Variants in CSTPP1 observed in about 807,000 individuals in gnomAD.
CSTPP1 encodes UPF0705 protein C11orf49.
chr11:47,112,707 TCTCTA>T, the CSTPP1 span, among the ~76,000 whole-genome samples: 1 of 152,112 alleles, frequency 6.6e-6, no homozygotes, highest in Non-Finnish European at 1.5e-5. Context: ...GTCTATTTCT[TCTCTA>T]ATGTATCCTA....
chr11:47,036,256 T>A, the CSTPP1 span, among the ~76,000 whole-genome samples: 165 of 48,806 alleles, frequency 3.4e-3, 10 homozygotes, highest in African/African-American at 9.8e-3. Flanking sequence ...ATATTATATA[T>A]TATATAATAT....
At chr11:47,007,148 T>C in the CSTPP1 span, among the ~76,000 whole-genome samples, 2 of 151,818 alleles carry the variant, frequency 1.3e-5, no homozygotes, top group South Asian at 4.2e-4. Context: ...TTCTTCTGCC[T>C]CAGCCTCCTG....
the CSTPP1 span, among the ~76,000 whole-genome samples, chr11:47,054,658 G>T: frequency 1.3e-5 from 2 of 152,140 alleles, no homozygotes; most frequent in Admixed American, 1.3e-4. Context: ...GCTCTAGAAA[G>T]ATCATTCAAA....
the CSTPP1 span, among the ~76,000 whole-genome samples, chr11:47,005,860 G>T: frequency 6.6e-6 from 1 of 152,132 alleles, no homozygotes; most frequent in African/African-American, 2.4e-5. Flanking sequence ...TACAATAAGT[G>T]TTGAATTAAT....
At chr11:47,159,681 G>A in the CSTPP1 span, 1 of 456,078 alleles carries the variant, frequency 2.2e-6, no homozygotes, top group African/African-American at 2.0e-5. Flanking sequence ...ACAGCCTGAA[G>A]TAACCTCATC....
the CSTPP1 span, among the ~76,000 whole-genome samples, chr11:46,980,964 G>A: frequency 6.6e-6 from 1 of 152,166 alleles, no homozygotes; most frequent in Non-Finnish European, 1.5e-5. Context: ...AGCTGGTGGT[G>A]TGTAAATTGG....
At chr11:47,077,798 G>A in the CSTPP1 span, among the ~76,000 whole-genome samples, 5 of 152,170 alleles carry the variant, frequency 3.3e-5, no homozygotes, top group East Asian at 1.9e-4. Context: ...TTAAATAATA[G>A]AATTGATTAT....
chr11:46,938,829 G>A, the CSTPP1 span, among the ~76,000 whole-genome samples: 2 of 141,966 alleles, frequency 1.4e-5, no homozygotes, highest in Non-Finnish European at 3.0e-5. Flanking sequence ...TCAGGCTGGA[G>A]TGCAGTGGCA....
At chr11:47,091,785 A>G in the CSTPP1 span, among the ~76,000 whole-genome samples, 1 of 152,206 alleles carries the variant, frequency 6.6e-6, no homozygotes, top group African/African-American at 2.4e-5. Flanking sequence ...TGTTTGGAGC[A>G]GGGAAGTGAC....
the CSTPP1 span, among the ~76,000 whole-genome samples, chr11:46,971,762 C>T: frequency 6.6e-5 from 10 of 152,014 alleles, no homozygotes; most frequent in Non-Finnish European, 1.3e-4. Context: ...CTGGGCAACA[C>T]AGTGAGACCC....
At chr11:47,034,538 G>C in the CSTPP1 span, among the ~76,000 whole-genome samples, 3 of 146,072 alleles carry the variant, frequency 2.1e-5, no homozygotes, top group Non-Finnish European at 4.5e-5. Flanking sequence ...GTCTCACTGT[G>C]TTGCCCAGGC....
chr11:47,114,241 G>T, the CSTPP1 span, among the ~76,000 whole-genome samples: 3 of 152,156 alleles, frequency 2.0e-5, no homozygotes, highest in South Asian at 6.2e-4. Flanking sequence ...GGCTGTTTTG[G>T]TTATTGTAGC....
At chr11:47,080,009 A>C in the CSTPP1 span, among the ~76,000 whole-genome samples, 2 of 152,142 alleles carry the variant, frequency 1.3e-5, no homozygotes, top group Non-Finnish European at 2.9e-5. Context: ...AGGCAGGAGA[A>C]TCACGTGAAC....
chr11:47,140,454 A>AAAGAAATCTCAAAGACAGC, the CSTPP1 span, among the ~76,000 whole-genome samples: 1 of 151,992 alleles, frequency 6.6e-6, no homozygotes, highest in East Asian at 1.9e-4. Flanking sequence ...ACAGAATCTC[A>AAAGAAATCTCAAAGACAGC]CTCTGTAGCC....
At chr11:47,154,607 T>C in the CSTPP1 span, 2 of 153,850 alleles carry the variant, frequency 1.3e-5, no homozygotes, top group African/African-American at 2.4e-5. Context: ...GATTCCCCAA[T>C]AGCTCTTTGC....
the CSTPP1 span, among the ~76,000 whole-genome samples, chr11:46,951,436 A>T: frequency 6.6e-6 from 1 of 151,622 alleles, no homozygotes; most frequent in Non-Finnish European, 1.5e-5. Context: ...AGCTGGGACT[A>T]TAGGAGTGTG....
At chr11:46,988,568 G>A in the CSTPP1 span, among the ~76,000 whole-genome samples, 1 of 151,592 alleles carries the variant, frequency 6.6e-6, no homozygotes, top group Non-Finnish European at 1.5e-5. Flanking sequence ...AGATTGGGAA[G>A]GGTAGCAGGG....
chr11:47,075,571 T>C, the CSTPP1 span, among the ~76,000 whole-genome samples: 1 of 152,010 alleles, frequency 6.6e-6, no homozygotes, highest in Admixed American at 6.6e-5. Flanking sequence ...GAAAAAGGTA[T>C]GTTTGTGCCA....
the CSTPP1 span, among the ~76,000 whole-genome samples, chr11:47,102,842 G>A: frequency 3.9e-5 from 6 of 152,196 alleles, no homozygotes; most frequent in East Asian, 1.9e-4. Context: ...ACAAACAAAC[G>A]TAACAAACAT....
Sources: gnomAD v4.1 joint callset for allele counts (sites outside exome capture counted in the v4.1 genomes callset) on GRCh38, gnomAD v4.1.1 for gene constraint, MANE v1.5 for transcripts, NCBI Gene and HGNC (gene_info 2026-07-23, HGNC 2026-07-21) for gene names.